Variants in GUCY1A2 observed in about 807,000 individuals in gnomAD.
GUCY1A2 encodes guanylate cyclase soluble subunit alpha-2.
Under a neutral mutation model 63.5 loss-of-function variants are expected in GUCY1A2, and 27 were observed. The observed-to-expected ratio is 0.43, with a 90% CI of 0.31 to 0.59. The LOEUF (loss-of-function observed/expected upper bound fraction) is 0.59, where lower values mean the gene tolerates loss of function less well. GUCY1A2 is among the 20% of genes least tolerant of loss of function. The pLI is 0.11. For missense variants in GUCY1A2, 768 were observed against 913.3 expected (o/e 0.84, Z 2.05); for synonymous variants, 364 against 343.5 (o/e 1.06, Z -0.66).
rs568419406 is a variant in GUCY1A2, at chr11:106,984,392, T to C, written c.365+1678A>G. Among the ~76,000 whole-genome samples the C allele has an allele frequency of 4.3e-4, 65 of 152,218 alleles. No individual in the cohort carries two copies. The East Asian group carries it at 7.3e-3, about 17-fold the overall frequency. ...GCACCACAGACCATGTCTACATAGG[T>C]AGAAGGGGAGGGCTGAGGCAGCCAG... On this transcript the variant is annotated intron_variant, in intron 2 of 7. Coordinates refer to ENST00000526355, the MANE Select transcript of GUCY1A2 (RefSeq NM_000855.3).
chr11:106,773,718 G>A (rs1025082472), intron 6 of GUCY1A2, among the ~76,000 whole-genome samples: 3 of 152,240 alleles, frequency 2.0e-5, no homozygotes, highest in South Asian at 2.1e-4. Flanking sequence ...AGGGAGAAAT[G>A]CTTATGATAG....
chr11:106,895,151 G>A lies in GUCY1A2; in HGVS notation c.1206+44309C>T, dbSNP rs999058261. The stretch of plus-strand genomic sequence containing the variant: ...CAAATTTGATAACCTAGATAAAATG[G>A]ATCAATTCCTTAAAGACACAATCTG... On this transcript the variant is annotated intron_variant, in intron 4 of 7. Coordinates refer to ENST00000526355, the MANE Select transcript of GUCY1A2 (RefSeq NM_000855.3). 1.8e-4 allele frequency among the ~76,000 whole-genome samples: 27 copies of A among 152,050 alleles called. 1 individual carries two copies. Among genetic ancestry groups the A allele is most frequent in the Non-Finnish European group, 1.5e-5 (1 of 68,008 alleles).
At chr11:106,897,264 G>T (rs1352401373) in intron 4 of GUCY1A2, among the ~76,000 whole-genome samples, 1 of 152,106 alleles carries the variant, frequency 6.6e-6, no homozygotes, top group Non-Finnish European at 1.5e-5. Context: ...CACAATATTA[G>T]TTCTTCCCCA....
intron 4 of GUCY1A2, among the ~76,000 whole-genome samples, chr11:106,812,619 G>T (rs1030107837): frequency 6.6e-6 from 1 of 151,602 alleles, no homozygotes; most frequent in African/African-American, 2.4e-5. Context: ...ATGTATGTAT[G>T]CATAAATTAA....
chr11:106,920,256 T>C (rs1483349702), intron 4 of GUCY1A2, among the ~76,000 whole-genome samples: 2 of 151,848 alleles, frequency 1.3e-5, no homozygotes, highest in African/African-American at 4.8e-5. Context: ...GTGAAGAAAG[T>C]GGATGCAGGG....
intron 4 of GUCY1A2, among the ~76,000 whole-genome samples, chr11:106,828,735 C>T (rs1859010903): frequency 6.6e-6 from 1 of 152,154 alleles, no homozygotes; most frequent in Non-Finnish European, 1.5e-5. Context: ...CCTACACAGC[C>T]CACCATAGAC....
In GUCY1A2 at chr11:106,751,050, A is replaced by T. The variant is rs562963670; in HGVS notation, c.1836+25389T>A. Among the ~76,000 whole-genome samples the T allele has an allele frequency of 2.0e-4, 30 of 152,250 alleles. No homozygotes were observed. In the South Asian group the frequency reaches 5.4e-3, roughly 27 times the overall value. On this transcript the variant is annotated intron_variant, in intron 6 of 7. Transcript: ENST00000526355. ...TATGTGCCACTGCATATTAATTCAC[A>T]CATCTCCTCTTTAAGAATACCATTT... is the stretch of plus-strand genomic sequence containing the variant.
chr11:106,998,537 T>C (rs1026399), intron 1 of GUCY1A2, among the ~76,000 whole-genome samples: 36,677 of 152,164 alleles, frequency 0.24, 4,678 homozygotes, highest in East Asian at 0.35. Flanking sequence ...AAGGTACTGA[T>C]TGGATATCAC....
chr11:106,726,871 G>C (rs1863417491), intron 6 of GUCY1A2, among the ~76,000 whole-genome samples: 2 of 152,218 alleles, frequency 1.3e-5, no homozygotes, highest in African/African-American at 4.8e-5. Context: ...TGAATTGAGA[G>C]ATACCAGCTT....
At chr11:106,926,218 T>C (rs1208980067) in intron 4 of GUCY1A2, among the ~76,000 whole-genome samples, 1 of 152,082 alleles carries the variant, frequency 6.6e-6, no homozygotes, top group Non-Finnish European at 1.5e-5. Context: ...CCAGGAGTTC[T>C]AGACCAGCCT....
intron 4 of GUCY1A2, among the ~76,000 whole-genome samples, chr11:106,834,559 C>A (rs750975926): frequency 6.6e-6 from 1 of 151,774 alleles, no homozygotes; most frequent in Non-Finnish European, 1.5e-5. Context: ...GTGCTATAGG[C>A]AAAAAATATC....
At chr11:106,946,549 GA>G (rs995017449) in intron 3 of GUCY1A2, among the ~76,000 whole-genome samples, 10 of 151,914 alleles carry the variant, frequency 6.6e-5, no homozygotes, top group Non-Finnish European at 1.3e-4. Flanking sequence ...GAAACTGCAA[GA>G]AAAAAAGCAG....
Position 106,678,447 on chromosome 11 carries a change from T to C in GUCY1A2, c.*9102A>G, listed in dbSNP as rs1862381571. ...GGAGACAGCCTTTCAAGTGGTTAGATACATAAATATTGATCCAGATTGCCC... is the reference window on the plus strand; with the variant it reads ...GGAGACAGCCTTTCAAGTGGTTAGACACATAAATATTGATCCAGATTGCCC... On this transcript the variant is annotated 3_prime_UTR_variant, in exon 8 of 8. Coordinates refer to ENST00000526355, the MANE Select transcript of GUCY1A2 (RefSeq NM_000855.3). 4.7e-6 allele frequency: 1 copy of C among 212,830 alleles called. No homozygotes were observed. The highest frequency in any genetic ancestry group is 5.9e-5 in the Admixed American group (1 of 17,034). 13.2% of individuals were successfully genotyped at this position (212,830 alleles called of 1,614,324 possible). A position where few individuals can be genotyped will look rare whatever the true frequency, so the allele number is the denominator to read the frequency against.
intron 4 of GUCY1A2, among the ~76,000 whole-genome samples, chr11:106,890,207 T>C (rs889033741): frequency 1.3e-5 from 2 of 152,212 alleles, no homozygotes; most frequent in Middle Eastern, 3.2e-3. Context: ...ATTATCTATA[T>C]GCTATAAGGG....
chr11:106,930,890 C>T (rs1209281166), intron 4 of GUCY1A2, among the ~76,000 whole-genome samples: 1 of 152,122 alleles, frequency 6.6e-6, no homozygotes, highest in East Asian at 1.9e-4. Context: ...CATATGGCCA[C>T]ACAGAATATA....
chr11:106,957,456 A>T (rs1861001562), intron 3 of GUCY1A2, among the ~76,000 whole-genome samples: 1 of 152,090 alleles, frequency 6.6e-6, no homozygotes, highest in Non-Finnish European at 1.5e-5. Flanking sequence ...CTTCCAATCC[A>T]TGGGTGGCAG....
chr11:106,949,420 A>T (rs1387363383), intron 3 of GUCY1A2, among the ~76,000 whole-genome samples: 1 of 152,168 alleles, frequency 6.6e-6, no homozygotes, highest in Admixed American at 6.6e-5. Flanking sequence ...AGGCTTCTGT[A>T]CATGGCTGGT....
intron 3 of GUCY1A2, 61 bp downstream of exon 3, chr11:106,978,558 A>G (rs904737173): frequency 6.0e-6 from 7 of 1,162,810 alleles, no homozygotes; most frequent in South Asian, 4.3e-5. Context: ...AAACACTTCC[A>G]CCTCGACTTT....
chr11:106,924,888 G>A (rs1283171850), intron 4 of GUCY1A2, among the ~76,000 whole-genome samples: 3 of 151,944 alleles, frequency 2.0e-5, no homozygotes, highest in Admixed American at 1.3e-4. Flanking sequence ...ACCTGTAGTT[G>A]CAGCTACTGA....
Sources: gnomAD v4.1 joint callset for allele counts (sites outside exome capture counted in the v4.1 genomes callset) on GRCh38, gnomAD v4.1.1 for gene constraint, MANE v1.5 for transcripts, NCBI Gene and HGNC (gene_info 2026-07-23, HGNC 2026-07-21) for gene names.